Variants in TRPS1 observed in about 807,000 individuals in gnomAD.
TRPS1 encodes transcriptional repressor GATA binding 1.
Under a neutral mutation model 101.2 loss-of-function variants are expected in TRPS1, and 6 were observed. That is an observed-to-expected ratio of 0.06 (90% CI 0.03 to 0.12). TRPS1 has a LOEUF of 0.12. Among genes scored for constraint, TRPS1 ranks in the 10% least tolerant of loss-of-function variants. The pLI, the probability that TRPS1 is intolerant of heterozygous loss-of-function variation, is 1.00. For synonymous variants in TRPS1, 578 were observed against 589.8 expected, an observed-to-expected ratio of 0.98 and a Z score of 0.29; for missense variants, 1,363 against 1,567.0, an observed-to-expected ratio of 0.87 and a Z score of 2.20.
In TRPS1 at chr8:115,465,311, C is replaced by T. The variant is rs370447791; in HGVS notation, c.2701-46859G>A. Reference sequence around the variant, plus strand: ...TTTTAGAAATCAATTCCACATAGTTCTAGCATCAAAAATGTGTCCTTAAAC... The same window carrying T: ...TTTTAGAAATCAATTCCACATAGTTTTAGCATCAAAAATGTGTCCTTAAAC... On this transcript the variant is annotated intron_variant, in intron 5 of 6. Transcript: ENST00000395715. Among the ~76,000 whole-genome samples the T allele has an allele frequency of 3.5e-4, 53 of 152,126 alleles. 1 individual carries two copies. The South Asian group carries it at 0.011, about 32-fold the overall frequency.
At chr8:115,566,945 T>C (rs1326748391) in intron 5 of TRPS1, among the ~76,000 whole-genome samples, 2 of 152,100 alleles carry the variant, frequency 1.3e-5, no homozygotes, top group Non-Finnish European at 2.9e-5. Context: ...ATAGGATAAA[T>C]GTAATAATCA....
chr8:115,555,922 G>A (rs1210807526), intron 5 of TRPS1, among the ~76,000 whole-genome samples: 1 of 152,086 alleles, frequency 6.6e-6, no homozygotes, highest in African/African-American at 2.4e-5. Flanking sequence ...TACTCAGGAG[G>A]CTGAGGTGGG....
intron 5 of TRPS1, among the ~76,000 whole-genome samples, chr8:115,503,079 C>T (rs542883657): frequency 3.3e-5 from 5 of 151,916 alleles, no homozygotes; most frequent in South Asian, 4.2e-4. Flanking sequence ...CTGGCTAACA[C>T]GATGAAACCC....
At chr8:115,557,989 G>GGTGA (rs2130359812) in intron 5 of TRPS1, among the ~76,000 whole-genome samples, 1 of 152,034 alleles carries the variant, frequency 6.6e-6, no homozygotes, top group South Asian at 2.1e-4. Context: ...ACAATTATGA[G>GGTGA]GTGATGTGTT....
chr8:115,412,533 T>C lies in TRPS1; in HGVS notation c.*1490A>G, dbSNP rs1812814219. The C allele has an allele frequency of 6.6e-6, 1 of 152,564 alleles. No individual in the cohort carries two copies. Among genetic ancestry groups the C allele is most frequent in the Non-Finnish European group, 1.5e-5 (1 of 68,004 alleles). The allele number at this position is 152,564 out of a possible 1,614,324, so 9.5% of individuals were successfully genotyped here. A position where few individuals can be genotyped will look rare whatever the true frequency, so the allele number is the denominator to read the frequency against. ...TGAAATGTAATACATTAATATTTACTAGAAAAATAAGTTTTTTTTTTCCTA... is the reference window on the plus strand; with the variant it reads ...TGAAATGTAATACATTAATATTTACCAGAAAAATAAGTTTTTTTTTTCCTA... On this transcript the variant is annotated 3_prime_UTR_variant, in exon 7 of 7. Coordinates refer to ENST00000395715, the MANE Select transcript of TRPS1 (RefSeq NM_014112.5).
chr8:115,552,073 G>A (rs1032601978), intron 5 of TRPS1, among the ~76,000 whole-genome samples: 35 of 152,124 alleles, frequency 2.3e-4, no homozygotes, highest in African/African-American at 7.7e-4. Context: ...ACTCCCCAGC[G>A]ACATGTTCAA....
chr8:115,565,001 A>C (rs1013789950), intron 5 of TRPS1, among the ~76,000 whole-genome samples: 4 of 152,102 alleles, frequency 2.6e-5, no homozygotes, highest in African/African-American at 9.7e-5. Context: ...GCTTCGAATA[A>C]ACATGTAGGT....
intron 5 of TRPS1, among the ~76,000 whole-genome samples, chr8:115,584,728 G>T (rs1317569136): frequency 1.3e-5 from 2 of 151,602 alleles, no homozygotes; most frequent in East Asian, 3.9e-4. Context: ...AGTAGAATTG[G>T]TGTCAAATTC....
chr8:115,473,265 G>T (rs1462442731), intron 5 of TRPS1, among the ~76,000 whole-genome samples: 2 of 152,198 alleles, frequency 1.3e-5, no homozygotes, highest in Non-Finnish European at 2.9e-5. Context: ...GGTGGAAGGG[G>T]AAGAAAACAT....
intron 4 of TRPS1, among the ~76,000 whole-genome samples, chr8:115,590,685 T>C (rs776594807): frequency 3.9e-5 from 6 of 152,338 alleles, no homozygotes; most frequent in East Asian, 1.9e-4. Flanking sequence ...CTTCAAACTT[T>C]GGCTCTGTAT....
chr8:115,467,403 C>CT (rs1291317506), intron 5 of TRPS1, among the ~76,000 whole-genome samples: 1 of 149,926 alleles, frequency 6.7e-6, no homozygotes, highest in South Asian at 2.1e-4. Context: ...GGAGGATGCT[C>CT]TTTAAAGGAA....
chr8:115,548,784 G>A (rs1034439297), intron 5 of TRPS1, among the ~76,000 whole-genome samples: 15 of 152,200 alleles, frequency 9.9e-5, no homozygotes, highest in African/African-American at 3.4e-4. Flanking sequence ...AAAAGAATTA[G>A]TAAAGGATGA....
rs67505193 is a variant in TRPS1, at chr8:115,498,415, C to CTATATA, written c.2701-79969_2701-79964dup. Among the ~76,000 whole-genome samples, 47 of 39,306 alleles carry CTATATA rather than the reference C, an allele frequency of 1.2e-3. 1 individual carries two copies. Among genetic ancestry groups the CTATATA allele is most frequent in the Non-Finnish European group, 1.7e-3 (38 of 22,724 alleles). The allele number at this position is 39,306 out of a possible 152,430, so 25.8% of individuals were successfully genotyped here. ...TCTCTCTCTCTCTCTCTCTCTCTCT[C>CTATATA]TATATATATATATATATATATATAT... is the stretch of plus-strand genomic sequence containing the variant. On this transcript the variant is annotated intron_variant, in intron 5 of 6. Transcript: ENST00000395715.
chr8:115,541,816 C>A (rs1027320898), intron 5 of TRPS1, among the ~76,000 whole-genome samples: 3 of 152,136 alleles, frequency 2.0e-5, no homozygotes, highest in African/African-American at 7.2e-5. Context: ...GACCGTAATA[C>A]AATATTTAAG....
intron 5 of TRPS1, among the ~76,000 whole-genome samples, chr8:115,480,817 G>A (rs1390567589): frequency 6.6e-6 from 1 of 152,164 alleles, no homozygotes; most frequent in East Asian, 1.9e-4. Flanking sequence ...AGCATAATTA[G>A]TTAACAGGAC....
intron 5 of TRPS1, among the ~76,000 whole-genome samples, chr8:115,561,051 A>T (rs902563651): frequency 6.6e-6 from 1 of 152,150 alleles, no homozygotes; most frequent in African/African-American, 2.4e-5. Context: ...TTAATCATGG[A>T]CTGGTGCAAC....
At chr8:115,435,380 T>G (rs748631831) in intron 5 of TRPS1, among the ~76,000 whole-genome samples, 10 of 152,190 alleles carry the variant, frequency 6.6e-5, no homozygotes, top group South Asian at 2.1e-4. Context: ...CATGAGTGAC[T>G]GATCGAAATC....
At chr8:115,502,589 A>G (rs1158734919) in intron 5 of TRPS1, among the ~76,000 whole-genome samples, 1 of 152,172 alleles carries the variant, frequency 6.6e-6, no homozygotes, top group Non-Finnish European at 1.5e-5. Flanking sequence ...ATTATCTAGA[A>G]ATGATACACG....
chr8:115,474,127 T>G (rs1036523022), intron 5 of TRPS1, among the ~76,000 whole-genome samples: 2 of 152,180 alleles, frequency 1.3e-5, no homozygotes, highest in African/African-American at 4.8e-5. Flanking sequence ...CATTCCTTTT[T>G]GTAGTATTTG....
Sources: allele counts gnomAD v4.1 joint callset (sites outside exome capture counted in the v4.1 genomes callset), GRCh38; gene constraint gnomAD v4.1.1; transcripts MANE v1.5; gene names NCBI Gene and HGNC (gene_info 2026-07-23, HGNC 2026-07-21).